Variants in PCDH11Y observed in about 807,000 individuals in gnomAD.
PCDH11Y encodes the protein protocadherin 11 Y-linked.
For missense variants in PCDH11Y, 12 were observed against 224.8 expected, an observed-to-expected ratio of 0.05 and a Z score of 6.05; for synonymous variants, 9 against 83.6, an observed-to-expected ratio of 0.11 and a Z score of 4.87.
At chrY:5,244,456 G>T (rs1602892612) in intron 2 of PCDH11Y, among the ~76,000 whole-genome samples, 57 of 33,135 alleles carry the variant, frequency 1.7e-3, no homozygotes, top group Admixed American at 0.013. Flanking sequence ...GGACTGACTC[G>T]GCAGCTGGCG....
intron 3 of PCDH11Y, among the ~76,000 whole-genome samples, chrY:5,541,988 G>A: frequency 3.2e-5 from 1 of 30,825 alleles, no homozygotes; most frequent in Non-Finnish European, 7.8e-5. Context: ...GGGTGAATAC[G>A]GAGCAGATAA....
chrY:5,045,236 G>T (rs2052631809), intron 3 of PCDH11Y, among the ~76,000 whole-genome samples: 1 of 33,218 alleles, frequency 3.0e-5, no homozygotes, highest in Non-Finnish European at 7.4e-5. Flanking sequence ...GCATGATTTT[G>T]CAGTGGCTGG....
At chrY:5,326,886 A>AT (rs2053121726) in intron 2 of PCDH11Y, among the ~76,000 whole-genome samples, 1 of 32,833 alleles carries the variant, frequency 3.0e-5, no homozygotes, top group Non-Finnish European at 7.4e-5. Flanking sequence ...GTACGCAGAC[A>AT]TGAGGGCTAG....
intron 2 of PCDH11Y, among the ~76,000 whole-genome samples, chrY:5,354,267 A>G: frequency 3.1e-5 from 1 of 32,644 alleles, no homozygotes; most frequent in Admixed American, 2.9e-4. Context: ...TAAGGCTAGT[A>G]AAATGAGGGA....
At chrY:5,575,002 A>C (rs2124696736) in intron 3 of PCDH11Y, among the ~76,000 whole-genome samples, 1 of 33,824 alleles carries the variant, frequency 3.0e-5, no homozygotes, top group Non-Finnish European at 7.3e-5. Context: ...ATTAAACTTG[A>C]CCCGTATCTC....
intron 2 of PCDH11Y, among the ~76,000 whole-genome samples, chrY:5,280,396 G>A: frequency 3.1e-5 from 1 of 32,550 alleles, no homozygotes; most frequent in Non-Finnish European, 7.5e-5. Context: ...TTTTCTGTTC[G>A]TTTGTTAGTT....
intron 2 of PCDH11Y, among the ~76,000 whole-genome samples, chrY:5,326,373 TGAG>T (rs2053120480): frequency 3.1e-5 from 1 of 32,210 alleles, no homozygotes; most frequent in Non-Finnish European, 7.5e-5. Context: ...GAATAATCCC[TGAG>T]GAGTAGTAGA....
At chrY:5,036,749 C>A (rs1602842089) in intron 3 of PCDH11Y, among the ~76,000 whole-genome samples, 229 of 33,402 alleles carry the variant, frequency 6.9e-3, no homozygotes, top group Admixed American at 0.018. Flanking sequence ...ATGACTGTCT[C>A]AATTTCCATA....
At chrY:5,096,438 CGTGTGTGTGT>C in intron 1 of PCDH11Y, among the ~76,000 whole-genome samples, 1 of 19,786 alleles carries the variant, frequency 5.1e-5, no homozygotes, top group East Asian at 1.5e-3. Flanking sequence ...TTTAGATGTA[CGTGTGTGTGT>C]GTGTGTGTGT....
chrY:5,220,209 G>A, intron 2 of PCDH11Y, among the ~76,000 whole-genome samples: 1 of 31,319 alleles, frequency 3.2e-5, no homozygotes, highest in Admixed American at 3.1e-4. Context: ...TCTTCCTCAA[G>A]AGTCTTTTAG....
chrY:5,247,902 G>A, intron 2 of PCDH11Y, among the ~76,000 whole-genome samples: 1 of 29,028 alleles, frequency 3.4e-5, no homozygotes, highest in East Asian at 9.4e-4. Context: ...ATATCACCCC[G>A]ACCACAAAGC....
chrY:5,405,179 T>TC (rs2053237462), intron 2 of PCDH11Y, among the ~76,000 whole-genome samples: 1 of 19,573 alleles, frequency 5.1e-5, no homozygotes, highest in African/African-American at 2.5e-4. Flanking sequence ...TTGTCTTTTT[T>TC]TTTTTTTTTT....
chrY:5,233,044 C>T, intron 2 of PCDH11Y, among the ~76,000 whole-genome samples: 1 of 32,759 alleles, frequency 3.1e-5, no homozygotes, highest in African/African-American at 1.2e-4. Context: ...CTGCACCATG[C>T]CAAGGTGGGG....
At chrY:5,273,400 G>A (rs2053039745) in intron 2 of PCDH11Y, among the ~76,000 whole-genome samples, 1 of 33,552 alleles carries the variant, frequency 3.0e-5, no homozygotes, top group Admixed American at 2.7e-4. Flanking sequence ...TGTGCCCCAG[G>A]TGGATGGGGC....
intron 2 of PCDH11Y, among the ~76,000 whole-genome samples, chrY:5,147,435 C>T: frequency 3.3e-5 from 1 of 30,044 alleles, no homozygotes; most frequent in Admixed American, 3.1e-4. Flanking sequence ...GTACTATGCT[C>T]ACTAGCTGGG....
intron 2 of PCDH11Y, among the ~76,000 whole-genome samples, chrY:5,183,175 G>A: frequency 3.0e-5 from 1 of 33,464 alleles, no homozygotes; most frequent in Non-Finnish European, 7.4e-5. Context: ...AGATCCATGG[G>A]AGAAGTGTGG....
Position 5,436,585 on chromosome Y carries a change from T to C in PCDH11Y, c.3130-64472T>C, listed in dbSNP as rs566765685. On this transcript the variant is annotated intron_variant, in intron 2 of 4. Transcript: ENST00000400457. ...AGGGTTGAGTGCAATGCAAGGAAAA[T>C]AGGAAGAAGTGGGCTTAATCATGGG... 7.3e-3 allele frequency among the ~76,000 whole-genome samples: 241 copies of C among 33,143 alleles called. No homozygotes were observed. In the South Asian group the frequency reaches 0.16, roughly 22 times the overall value. The allele number at this position is 33,143 out of a possible 37,273, so 88.9% of individuals were successfully genotyped here.
downstream of PCDH11Y, among the ~76,000 whole-genome samples, chrY:5,108,662 GCAC>G (rs2052799015): frequency 3.7e-5 from 1 of 27,313 alleles, no homozygotes; most frequent in Non-Finnish European, 8.4e-5. Context: ...CAGGAGAATG[GCAC>G]GAACCCGGGA....
At chrY:5,283,589 T>C (rs2124661009) in intron 2 of PCDH11Y, among the ~76,000 whole-genome samples, 1 of 30,574 alleles carries the variant, frequency 3.3e-5, no homozygotes, top group African/African-American at 1.3e-4. Context: ...CCCAAAGAGT[T>C]GAATTAGGTT....
Sources: gnomAD v4.1 joint callset for allele counts (sites outside exome capture counted in the v4.1 genomes callset) on GRCh38, gnomAD v4.1.1 for gene constraint, MANE v1.5 for transcripts, NCBI Gene and HGNC (gene_info 2026-07-23, HGNC 2026-07-21) for gene names.